PELI1: variants seen among roughly 807,000 people sequenced by gnomAD.
PELI1 encodes the protein pellino E3 ubiquitin protein ligase 1.
A neutral mutation model predicts 41.3 loss-of-function variants in PELI1; 15 were observed. The observed-to-expected ratio is 0.36, with a 90% CI of 0.24 to 0.56. The LOEUF (loss-of-function observed/expected upper bound fraction) is 0.56, where lower values mean the gene tolerates loss of function less well. PELI1 is among the 20% of genes least tolerant of loss of function. PELI1 has a pLI of 0.82. For missense variants in PELI1, 403 were observed against 525.5 expected, an observed-to-expected ratio of 0.77 and a Z score of 2.28; for synonymous variants, 178 against 180.1, an observed-to-expected ratio of 0.99 and a Z score of 0.09.
intron 1 of PELI1, among the ~76,000 whole-genome samples, chr2:64,119,449 T>C (rs1239697880): frequency 6.6e-6 from 1 of 152,194 alleles, no homozygotes; most frequent in Non-Finnish European, 1.5e-5. Flanking sequence ...CCAGATTGTA[T>C]TAAAGCATCT....
At chr2:64,103,116 A>T (rs1216878993) in intron 3 of PELI1, among the ~76,000 whole-genome samples, 1 of 152,164 alleles carries the variant, frequency 6.6e-6, no homozygotes, top group Non-Finnish European at 1.5e-5. Flanking sequence ...TGCTGGGATT[A>T]TAGGTGTGAG....
chr2:64,138,945 T>C (rs1418048620), intron 1 of PELI1, among the ~76,000 whole-genome samples: 3 of 152,214 alleles, frequency 2.0e-5, no homozygotes, highest in Non-Finnish European at 4.4e-5. Flanking sequence ...TTTCAATATA[T>C]GGCCAATCTT....
intron 4 of PELI1, among the ~76,000 whole-genome samples, chr2:64,097,326 C>G (rs1680276112): frequency 6.6e-6 from 1 of 152,132 alleles, no homozygotes; most frequent in Non-Finnish European, 1.5e-5. Flanking sequence ...AAAAGTATTT[C>G]AAAAGGTTCT....
Position 64,093,446 on chromosome 2 carries a change from G to C in PELI1, c.*1256C>G, listed in dbSNP as rs1680118616. The C allele has an allele frequency of 6.6e-6, 1 of 152,628 alleles. No individual in the cohort carries two copies. Among genetic ancestry groups the C allele is most frequent in the Non-Finnish European group, 1.5e-5 (1 of 68,026 alleles). The allele number at this position is 152,628 out of a possible 1,614,324, so 9.5% of individuals were successfully genotyped here. ...TATACTTGTGGTGCCTTTGAAAAAA[G>C]GGTGGGAAGGAGGGGAGAGAAGAAA... is the stretch of plus-strand genomic sequence containing the variant. On this transcript the variant is annotated 3_prime_UTR_variant, in exon 7 of 7. Coordinates refer to ENST00000358912, the MANE Select transcript of PELI1 (RefSeq NM_020651.4).
chr2:64,103,396 T>C (rs1187112109), intron 3 of PELI1, among the ~76,000 whole-genome samples: 2 of 152,120 alleles, frequency 1.3e-5, no homozygotes, highest in Non-Finnish European at 2.9e-5. Flanking sequence ...CAGGCTCAAA[T>C]GGCATTTTGT....
chr2:64,096,617 GAAA>G lies in PELI1; in HGVS notation c.304-10_304-8del. 3.0e-6 allele frequency: 4 copies of G among 1,316,930 alleles called. No homozygotes were observed. The highest frequency in any genetic ancestry group is 4.1e-6 in the Non-Finnish European group (4 of 966,150). 81.6% of individuals were successfully genotyped at this position (1,316,930 alleles called of 1,614,324 possible). ...TTTCAGTCGACCGGCCAATCTGAGG[GAAA>G]AAAAAAAATACCTATAAACCCATTC... On this transcript the variant is annotated splice_polypyrimidine_tract_variant and splice_region_variant and intron_variant, in intron 4 of 6. Transcript: ENST00000358912.
intron 3 of PELI1, among the ~76,000 whole-genome samples, chr2:64,102,627 T>C (rs1680483040): frequency 6.6e-6 from 1 of 152,232 alleles, no homozygotes; most frequent in Non-Finnish European, 1.5e-5. Flanking sequence ...TTGGTTTTTA[T>C]GTGCTTTGAA....
chr2:64,134,074 T>C (rs913473636), intron 1 of PELI1, among the ~76,000 whole-genome samples: 23 of 151,740 alleles, frequency 1.5e-4, no homozygotes, highest in African/African-American at 5.1e-4. Context: ...ATTTAAGGAG[T>C]AGGAGGAAAA....
At chr2:64,135,341 T>C (rs1170206657) in intron 1 of PELI1, among the ~76,000 whole-genome samples, 3 of 151,966 alleles carry the variant, frequency 2.0e-5, no homozygotes, top group African/African-American at 7.3e-5. Context: ...GTCATGTAGT[T>C]ATCTCTTAGT....
intron 3 of PELI1, chr2:64,104,428 T>C (rs1211641316): frequency 2.9e-5 from 9 of 309,704 alleles, no homozygotes; most frequent in African/African-American, 1.9e-4. Flanking sequence ...TAAAGCCCTG[T>C]CCCCCATCCC....
intron 1 of PELI1, among the ~76,000 whole-genome samples, chr2:64,131,277 T>C (rs899973076): frequency 2.0e-5 from 3 of 151,982 alleles, no homozygotes; most frequent in African/African-American, 7.3e-5. Context: ...CTTAAAGCTC[T>C]CAGGGGTCAA....
intron 1 of PELI1, among the ~76,000 whole-genome samples, chr2:64,141,314 C>A (rs551540897): frequency 1.4e-5 from 2 of 147,656 alleles, no homozygotes; most frequent in South Asian, 4.3e-4. Flanking sequence ...GCCCCCACCC[C>A]AAAGGAGCTC....
At chr2:64,100,313 ATCC>A in intron 4 of PELI1, 82 bp downstream of exon 4, 3 of 719,052 alleles carry the variant, frequency 4.2e-6, no homozygotes, top group Non-Finnish European at 7.5e-6. Flanking sequence ...AAATCTGATA[ATCC>A]TCTGACCTCA....
chr2:64,117,014 A>ACC (rs1681017356), intron 1 of PELI1, among the ~76,000 whole-genome samples: 2 of 152,176 alleles, frequency 1.3e-5, no homozygotes, highest in Non-Finnish European at 2.9e-5. Flanking sequence ...GTGTCCATAT[A>ACC]AGGTGGTACA....
In PELI1 at chr2:64,096,268, A is replaced by G. The variant is rs1680232673; in HGVS notation, c.547T>C (p.Leu183=). The change falls in exon 6 of 7, where the codon TTG becomes CTG. Residue 183 remains leucine, a synonymous_variant. Transcript: ENST00000358912. The part of the protein sequence containing the change: ...WKTSDGQMDG[L]TTNGVLVMHP... ...ATCACAAGAACACCATTAGTGGTCA[A>G]GCCATCCATCTGTCCATCTGATGTC... 2 of 1,614,192 alleles carry G rather than the reference A, an allele frequency of 1.2e-6. No homozygotes were observed. The highest frequency in any genetic ancestry group is 1.7e-6 in the Non-Finnish European group (2 of 1,179,988).
intron 1 of PELI1, among the ~76,000 whole-genome samples, chr2:64,129,672 C>A (rs1039381874): frequency 1.3e-5 from 2 of 151,986 alleles, no homozygotes; most frequent in Non-Finnish European, 2.9e-5. Context: ...TAAGACCATT[C>A]TTTTAAAGTC....
At chr2:64,130,911 T>A (rs1038445482) in intron 1 of PELI1, among the ~76,000 whole-genome samples, 1 of 152,136 alleles carries the variant, frequency 6.6e-6, no homozygotes, top group African/African-American at 2.4e-5. Context: ...ATTTCATACT[T>A]TGGGTGTTAA....
chr2:64,129,523 A>G (rs980772525), intron 1 of PELI1, among the ~76,000 whole-genome samples: 1 of 152,182 alleles, frequency 6.6e-6, no homozygotes, highest in African/African-American at 2.4e-5. Context: ...AGTTTTGTCT[A>G]ATTCCTCTTC....
chr2:64,133,369 T>C (rs1199711036), intron 1 of PELI1, among the ~76,000 whole-genome samples: 1 of 152,106 alleles, frequency 6.6e-6, no homozygotes, highest in African/African-American at 2.4e-5. Context: ...TATAGGCAAA[T>C]TATTTAAAGT....
Sources: allele counts gnomAD v4.1 joint callset (sites outside exome capture counted in the v4.1 genomes callset), GRCh38; gene constraint gnomAD v4.1.1; transcripts MANE v1.5; gene names NCBI Gene and HGNC (gene_info 2026-07-23, HGNC 2026-07-21).